Variants in PTN observed in about 807,000 individuals in gnomAD.
PTN encodes the protein pleiotrophin, also known as heparin affin regulatory protein.
A neutral mutation model predicts 24.1 loss-of-function variants in PTN; 18 were observed. The observed-to-expected ratio is 0.75, with a 90% confidence interval of 0.52 to 1.11. The LOEUF is 1.11. Ranked by LOEUF, PTN falls within the 50% of genes least tolerant of loss-of-function variation. The pLI is 0.00. For synonymous variants in PTN, 78 were observed against 68.6 expected (o/e 1.14, Z -0.67); for missense variants, 163 against 198.8 (o/e 0.82, Z 1.08).
chr7:137,254,718 A>C (rs1808889050), intron 2 of PTN, 141 bp downstream of exon 2: 1 of 494,666 alleles, frequency 2.0e-6, no homozygotes, highest in Admixed American at 3.4e-5. Context: ...CTAAGTAATT[A>C]TTTTTGAAAA....
chr7:137,342,283 T>C (rs1397705280), intron 1 of PTN, among the ~76,000 whole-genome samples: 1 of 152,084 alleles, frequency 6.6e-6, no homozygotes, highest in Non-Finnish European at 1.5e-5. Flanking sequence ...CCCCTCTCTC[T>C]AGCACACACA....
chr7:137,314,156 T>C (rs964641240), intron 1 of PTN, among the ~76,000 whole-genome samples: 3 of 152,168 alleles, frequency 2.0e-5, no homozygotes, highest in African/African-American at 7.2e-5. Context: ...TGTGGCTCAG[T>C]GTTCAACTAT....
chr7:137,292,731 CAT>C (rs1809658087), intron 1 of PTN, among the ~76,000 whole-genome samples: 1 of 152,112 alleles, frequency 6.6e-6, no homozygotes, highest in Non-Finnish European at 1.5e-5. Context: ...AAAGTCTGTA[CAT>C]GTTCAGTACA....
chr7:137,231,447 A>G (rs547960782), intron 4 of PTN, among the ~76,000 whole-genome samples: 1 of 152,002 alleles, frequency 6.6e-6, no homozygotes. Context: ...GCTCTCAGAT[A>G]AGCAGATTCC....
rs556065249 is a variant in PTN, at chr7:137,274,225, A to G, written c.-1-19251T>C. Among the ~76,000 whole-genome samples, 15 of 152,244 alleles carry G rather than the reference A, an allele frequency of 9.9e-5. No individual in the cohort carries two copies. The East Asian group carries it at 2.7e-3, about 27-fold the overall frequency. ...CCCCCTCCTTACCCCAGCTGTGCCT[A>G]GAGCAGCTCCTCCTTCACTACTCAC... On this transcript the variant is annotated intron_variant, in intron 1 of 4. Transcript: ENST00000348225.
At chr7:137,292,452 A>C (rs1809653440) in intron 1 of PTN, among the ~76,000 whole-genome samples, 1 of 152,116 alleles carries the variant, frequency 6.6e-6, no homozygotes, top group South Asian at 2.1e-4. Flanking sequence ...TGATAGTTTT[A>C]TAAAGGAGAG....
intron 3 of PTN, 136 bp downstream of exon 3, chr7:137,253,328 G>T: frequency 2.2e-6 from 2 of 892,756 alleles, no homozygotes; most frequent in Non-Finnish European, 3.2e-6. Context: ...CCTGAAATGG[G>T]ACCAGTCTGG....
chr7:137,329,005 G>A (rs948672187), intron 1 of PTN, among the ~76,000 whole-genome samples: 4 of 152,112 alleles, frequency 2.6e-5, no homozygotes, highest in South Asian at 2.1e-4. Flanking sequence ...AGAGTATGAC[G>A]TTTAAGAATT....
At chr7:137,282,542 G>A (rs1809489760) in intron 1 of PTN, among the ~76,000 whole-genome samples, 1 of 152,102 alleles carries the variant, frequency 6.6e-6, no homozygotes, top group South Asian at 2.1e-4. Flanking sequence ...AGTCAGAGCA[G>A]CCAGCACCTT....
At chr7:137,280,725 A>AAAAAAAAAAAAT (rs71176392) in intron 1 of PTN, among the ~76,000 whole-genome samples, 5 of 138,396 alleles carry the variant, frequency 3.6e-5, no homozygotes, top group Non-Finnish European at 7.8e-5. Flanking sequence ...AAAAAAAAAA[A>AAAAAAAAAAAAT]GCTGAGTGTG....
At chr7:137,268,910 A>G (rs769640248) in intron 1 of PTN, among the ~76,000 whole-genome samples, 26 of 151,982 alleles carry the variant, frequency 1.7e-4, no homozygotes, top group Non-Finnish European at 3.5e-4. Context: ...ATAATTTGTG[A>G]TGCTCTTTTA....
At chr7:137,238,361 C>G (rs75746312) in intron 4 of PTN, among the ~76,000 whole-genome samples, 1 of 152,124 alleles carries the variant, frequency 6.6e-6, no homozygotes, top group African/African-American at 2.4e-5. Flanking sequence ...TTCGCCCTTA[C>G]TCTCAAGGAA....
intron 1 of PTN, among the ~76,000 whole-genome samples, chr7:137,276,826 C>A (rs1328134674): frequency 6.6e-6 from 1 of 151,910 alleles, no homozygotes; most frequent in Admixed American, 6.6e-5. Flanking sequence ...AAAATATTTA[C>A]TCAGTAAAGT....
intron 1 of PTN, among the ~76,000 whole-genome samples, chr7:137,279,604 G>A (rs1012742500): frequency 1.3e-5 from 2 of 152,158 alleles, no homozygotes; most frequent in African/African-American, 4.8e-5. Context: ...GTTAAATATT[G>A]CTGGAGCATC....
intron 1 of PTN, among the ~76,000 whole-genome samples, chr7:137,330,972 T>C (rs189962782): frequency 6.6e-6 from 1 of 152,322 alleles, no homozygotes; most frequent in African/African-American, 2.4e-5. Context: ...CTCAATGCTA[T>C]CTAATAGAAT....
chr7:137,256,665 T>A (rs887290683), intron 1 of PTN, among the ~76,000 whole-genome samples: 1 of 152,186 alleles, frequency 6.6e-6, no homozygotes, highest in African/African-American at 2.4e-5. Flanking sequence ...TTCATATTCC[T>A]TTGGGTATAT....
rs934333741 is a variant in PTN at position 137,256,780 on chromosome 7, A to C, written c.-1-1806T>G. Among the ~76,000 whole-genome samples, 9 of 151,646 alleles carry C rather than the reference A, an allele frequency of 5.9e-5. No homozygotes were observed. The South Asian group carries it at 1.9e-3, about 32-fold the overall frequency. ...GGTTGAACTAATTTCCAGAATTTAC[A>C]AGGAACTTAAACAAATTTATAAAAA... On this transcript the variant is annotated intron_variant, in intron 1 of 4. Coordinates refer to ENST00000348225, the MANE Select transcript of PTN (RefSeq NM_002825.7).
At chr7:137,270,247 G>A (rs1809252369) in intron 1 of PTN, among the ~76,000 whole-genome samples, 1 of 152,122 alleles carries the variant, frequency 6.6e-6, no homozygotes, top group South Asian at 2.1e-4. Flanking sequence ...TCCCTTTTTC[G>A]ATTGTCAATT....
chr7:137,290,556 T>TATG (rs1351490003), intron 1 of PTN, among the ~76,000 whole-genome samples: 5 of 152,266 alleles, frequency 3.3e-5, no homozygotes, highest in East Asian at 1.9e-4. Flanking sequence ...AAGTAATGCT[T>TATG]TAGAGTGTCC....
Sources: gnomAD v4.1 joint callset for allele counts (sites outside exome capture counted in the v4.1 genomes callset) on GRCh38, gnomAD v4.1.1 for gene constraint, MANE v1.5 for transcripts, NCBI Gene and HGNC (gene_info 2026-07-23, HGNC 2026-07-21) for gene names.